Variants in CYP1A1 observed in about 807,000 individuals in gnomAD.
CYP1A1 encodes cytochrome P450 family 1 subfamily A member 1, also known as cytochrome P450 1A1.
Under a neutral mutation model 33.6 loss-of-function variants are expected in CYP1A1, and 43 were observed. That is an observed-to-expected ratio of 1.28 (90% CI 1.00 to 1.65). The LOEUF (loss-of-function observed/expected upper bound fraction) is 1.65. CYP1A1 is among the 40% of genes most tolerant of loss of function. The pLI is 0.00. For missense variants in CYP1A1, 637 were observed against 653.7 expected, an observed-to-expected ratio of 0.97 and a Z score of 0.28; for synonymous variants, 280 against 257.8, an observed-to-expected ratio of 1.09 and a Z score of -0.83.
intron 1 of CYP1A1, among the ~76,000 whole-genome samples, chr15:74,723,524 T>C (rs2063190686): frequency 6.6e-6 from 1 of 152,160 alleles, no homozygotes. Context: ...GTACCAGTAC[T>C]GTTATTTACT....
In CYP1A1 at chr15:74,720,086, T is replaced by A. The variant is rs1205305906; in HGVS notation, c.*403A>T. ...CCCAATTGTCAAAGATTGGACAGGG[T>A]CCTGGTTTGGCTAGTTCTAACTTGC... On this transcript the variant is annotated 3_prime_UTR_variant, in exon 7 of 7. Transcript: ENST00000379727. 1 of 164,364 alleles carries A rather than the reference T, an allele frequency of 6.1e-6. No homozygotes were observed. The highest frequency in any genetic ancestry group is 1.3e-5 in the Non-Finnish European group (1 of 76,936). The allele number at this position is 164,364 out of a possible 1,614,324, so 10.2% of individuals were successfully genotyped here. A position where few individuals can be genotyped will look rare whatever the true frequency, so the allele number is the denominator to read the frequency against.
chr15:74,721,306 C>T lies in CYP1A1; in HGVS notation c.1059G>A (p.Arg353=). ...IQEELDTVIG[R]SRRPRLSDRS... is the part of the protein sequence containing the mutation. ...TGTCAGAGAGCCGGGGCCGCCGTGA[C>T]CTGCCAATCACTGTGTCTGCAGAAC... The change falls in exon 5 of 7, where the codon AGG becomes AGA. Residue 353 remains arginine (R), a synonymous_variant. Coordinates refer to ENST00000379727, the MANE Select transcript of CYP1A1 (RefSeq NM_001319217.2). 3 of 1,613,702 alleles carry T rather than the reference C, an allele frequency of 1.9e-6. No homozygotes were observed. Among genetic ancestry groups the T allele is most frequent in the South Asian group, 1.1e-5 (1 of 91,026 alleles).
chr15:74,720,315 G>A lies in CYP1A1; in HGVS notation c.*174C>T, dbSNP rs2063156987. ...TGGAGGGTGTGCAGAGGCAAGTCCAGGGTAGGGGCAGGCAGGATCCCTTAG... is the reference window on the plus strand; with the variant it reads ...TGGAGGGTGTGCAGAGGCAAGTCCAAGGTAGGGGCAGGCAGGATCCCTTAG... On this transcript the variant is annotated 3_prime_UTR_variant, in exon 7 of 7. Transcript: ENST00000379727. 1 of 614,114 alleles carries A rather than the reference G, an allele frequency of 1.6e-6. No individual in the cohort carries two copies. Among genetic ancestry groups the A allele is most frequent in the Non-Finnish European group, 2.6e-6 (1 of 380,698 alleles). The allele number at this position is 614,114 out of a possible 1,614,324, so 38.0% of individuals were successfully genotyped here.
Position 74,720,752 on chromosome 15 carries a change from C to CA in CYP1A1, c.1275dup (p.Glu426Ter), listed in dbSNP as rs72547510. On this transcript the variant is annotated frameshift_variant, in exon 7 of 7. Transcript: ENST00000379727. LOFTEE classifies it low-confidence loss of function (END_TRUNC). ...GTGAGAAACCGTTCAGGTAGGAACT[C>CA]AGATGGGTTGACCCATAGCTTCCTG... 40 of 1,612,558 alleles carry CA rather than the reference C, an allele frequency of 2.5e-5. No homozygotes were observed. In the East Asian group the frequency reaches 8.7e-4, roughly 35 times the overall value.
At chr15:74,723,641 A>G (rs1009223738) in intron 1 of CYP1A1, among the ~76,000 whole-genome samples, 5 of 152,172 alleles carry the variant, frequency 3.3e-5, no homozygotes, top group African/African-American at 9.7e-5. Flanking sequence ...AAATAAACAC[A>G]TAATCAAGGT....
At position 74,721,635 on chromosome 15, in the gene CYP1A1, G is replaced by A. The variant is rs1185021586; in HGVS notation, c.908C>T (p.Ser303Leu). Residue 303 changes from serine to leucine, a missense_variant, in exon 3 of 7, where the codon TCA (serine) becomes TTA (leucine). Transcript: ENST00000379727. ...QLDENANVQL[S>L]DEKIINIVLD... ...GACGATGTTAATGATCTTCTCATCT[G>A]ACAGCTGGACATTGGCGTTCTCATC... is the stretch of plus-strand genomic sequence containing the variant. 1 of 1,614,154 alleles carries A rather than the reference G, an allele frequency of 6.2e-7. No homozygotes were observed. The highest frequency in any genetic ancestry group is 1.3e-5 in the African/African-American group (1 of 75,034).
intron 6 of CYP1A1, 80 bp from the exon 7 acceptor site, chr15:74,720,854 T>C (rs1741643523): frequency 1.9e-6 from 3 of 1,570,142 alleles, no homozygotes; most frequent in African/African-American, 1.3e-5. Flanking sequence ...CCCCAAAGGA[T>C]AGAGGACAGG....
rs772963090 is a variant in CYP1A1 at position 74,722,261 on chromosome 15, C to T, written c.825+12G>A. 3 of 1,600,540 alleles carry T rather than the reference C, an allele frequency of 1.9e-6. No individual in the cohort carries two copies. Among genetic ancestry groups the T allele is most frequent in the Non-Finnish European group, 1.7e-6 (2 of 1,169,294 alleles). ...GCTTCCCACCACCCACCTGCCTTTCCCCAGACTGTACCTTCTCAAAGGTTT... is the reference window on the plus strand; with the variant it reads ...GCTTCCCACCACCCACCTGCCTTTCTCCAGACTGTACCTTCTCAAAGGTTT... On this transcript the variant is annotated intron_variant, in intron 2 of 6. Transcript: ENST00000379727.
At chr15:74,722,194 C>T in intron 2 of CYP1A1, 79 bp downstream of exon 2, 1 of 1,193,180 alleles carries the variant, frequency 8.4e-7, no homozygotes, top group Non-Finnish European at 1.2e-6. Flanking sequence ...AAGCCCCATG[C>T]AGTTCCTCTT....
rs1265416243 is a variant in CYP1A1 at position 74,720,410 on chromosome 15, A to G, written c.*79T>C. On this transcript the variant is annotated 3_prime_UTR_variant, in exon 7 of 7. Coordinates refer to ENST00000379727, the MANE Select transcript of CYP1A1 (RefSeq NM_001319217.2). Reference sequence around the variant, plus strand: ...CTATGAGTTTCAGGCTGAACCTTAGACCACATAGGCCAGCCTGCTGGTCTG... The same window carrying G: ...CTATGAGTTTCAGGCTGAACCTTAGGCCACATAGGCCAGCCTGCTGGTCTG... 1 of 1,460,994 alleles carries G rather than the reference A, an allele frequency of 6.8e-7. No individual in the cohort carries two copies. Among genetic ancestry groups the G allele is most frequent in the Non-Finnish European group, 9.2e-7 (1 of 1,088,662 alleles). The allele number at this position is 1,460,994 out of a possible 1,614,324, so 90.5% of individuals were successfully genotyped here. A position where few individuals can be genotyped will look rare whatever the true frequency, so the allele number is the denominator to read the frequency against.
In CYP1A1 at chr15:74,720,327, G is replaced by T; in HGVS notation, c.*162C>A. The T allele has an allele frequency of 1.4e-6, 1 of 707,860 alleles. No individual in the cohort carries two copies. The highest frequency in any genetic ancestry group is 2.2e-6 in the Non-Finnish European group (1 of 456,660). The allele number at this position is 707,860 out of a possible 1,614,324, so 43.8% of individuals were successfully genotyped here. ...AGAGGCAAGTCCAGGGTAGGGGCAG[G>T]CAGGATCCCTTAGGCTTGCCCACAG... On this transcript the variant is annotated 3_prime_UTR_variant, in exon 7 of 7. Coordinates refer to ENST00000379727, the MANE Select transcript of CYP1A1 (RefSeq NM_001319217.2).
In CYP1A1 at chr15:74,720,307, C is replaced by G. The variant is rs145262175; in HGVS notation, c.*182G>C. 2.0e-3 allele frequency: 1,083 copies of G among 553,318 alleles called. 4 individuals are homozygous for G. Among genetic ancestry groups the G allele is most frequent in the Middle Eastern group, 3.9e-3 (8 of 2,042 alleles). The allele number at this position is 553,318 out of a possible 1,614,324, so 34.3% of individuals were successfully genotyped here. On this transcript the variant is annotated 3_prime_UTR_variant, in exon 7 of 7. Coordinates refer to ENST00000379727, the MANE Select transcript of CYP1A1 (RefSeq NM_001319217.2). ...GTTGTCTCTGGAGGGTGTGCAGAGGCAAGTCCAGGGTAGGGGCAGGCAGGA... is the reference window on the plus strand; with the variant it reads ...GTTGTCTCTGGAGGGTGTGCAGAGGGAAGTCCAGGGTAGGGGCAGGCAGGA...
Position 74,722,388 on chromosome 15 carries a change from A to T in CYP1A1, c.710T>A (p.Ile237Asn), listed in dbSNP as rs1275539251. Residue 237 changes from isoleucine to asparagine, a missense_variant, in exon 2 of 7, where the codon ATC (isoleucine) becomes AAC (asparagine). Coordinates refer to ENST00000379727, the MANE Select transcript of CYP1A1 (RefSeq NM_001319217.2). Reference protein sequence around the residue: ...VVGSGNPADFIPILRYLPNPS... With the variant: ...VVGSGNPADFNPILRYLPNPS... ...GTTGGGTAGGTAGCGAAGAATAGGG[A>T]TGAAGTCAGCTGGGTTTCCAGAGCC... 3.1e-6 allele frequency: 5 copies of T among 1,613,956 alleles called. No homozygotes were observed. The Admixed American group carries it at 6.7e-5, about 22-fold the overall frequency.
At position 74,719,781 on chromosome 15, in the gene CYP1A1, C is replaced by G. The variant is rs17861086; in HGVS notation, c.*708G>C. ...TAGAAGGTAATTGAAATACCCCCCC[C>G]TCACTCCAGCCCTAGTCCTGGTGCC... On this transcript the variant is annotated 3_prime_UTR_variant, in exon 7 of 7. Coordinates refer to ENST00000379727, the MANE Select transcript of CYP1A1 (RefSeq NM_001319217.2). 1 of 152,132 alleles carries G rather than the reference C, an allele frequency of 6.6e-6. No homozygotes were observed. Among genetic ancestry groups the G allele is most frequent in the Admixed American group, 6.5e-5 (1 of 15,278 alleles). The allele number at this position is 152,132 out of a possible 1,614,324, so 9.4% of individuals were successfully genotyped here.
chr15:74,721,014 G>C lies in CYP1A1; in HGVS notation c.1206C>G (p.Pro402=). The C allele has an allele frequency of 2.5e-6, 4 of 1,614,186 alleles. No homozygotes were observed. Among genetic ancestry groups the C allele is most frequent in the Non-Finnish European group, 2.5e-6 (3 of 1,180,030 alleles). The change falls in exon 6 of 7, where the codon CCC becomes CCG. Residue 402 remains proline, a synonymous_variant. Coordinates refer to ENST00000379727, the MANE Select transcript of CYP1A1 (RefSeq NM_001319217.2). Reference sequence around the variant, plus strand: ...GGTTTACAAAGACACAACGCCCCTTGGGGATGTAAAAGCCTTTCAAACTTG... The same window carrying C: ...GGTTTACAAAGACACAACGCCCCTTCGGGATGTAAAAGCCTTTCAAACTTG... ...RDTSLKGFYI[P]KGRCVFVNQW...
At chr15:74,723,594 G>C (rs1035523010) in intron 1 of CYP1A1, among the ~76,000 whole-genome samples, 1 of 152,048 alleles carries the variant, frequency 6.6e-6, no homozygotes, top group African/African-American at 2.4e-5. Context: ...CAATATCTAT[G>C]TGAAAGTACA....
Position 74,720,697 on chromosome 15 carries a change from C to T in CYP1A1, c.1331G>A (p.Ser444Asn). The change falls in exon 7 of 7, where the codon AGT (serine) becomes AAT (asparagine). Residue 444 changes from serine (S) to asparagine (N), a missense_variant. Physicochemically the swap from Ser to Asn is conservative, Grantham distance 46. Transcript: ENST00000379727. The part of the protein sequence containing the change: ...TPDGAIDKVL[S>N]EKVIIFGMGK... The stretch of plus-strand genomic sequence containing the variant: ...CATGCCAAAGATAATCACCTTCTCA[C>T]TTAACACCTTGTCGATAGCACCATC... 1 of 1,614,200 alleles carries T rather than the reference C, an allele frequency of 6.2e-7. No homozygotes were observed. The highest frequency in any genetic ancestry group is 8.5e-7 in the Non-Finnish European group (1 of 1,180,036).
intron 1 of CYP1A1, 57 bp downstream of exon 1, chr15:74,725,383 CA>C: frequency 6.6e-6 from 1 of 152,340 alleles, no homozygotes; most frequent in Non-Finnish European, 1.5e-5. Context: ...CTGGAGGCAC[CA>C]AAATGTTCCT....
chr15:74,721,837 G>C (rs2063172984), intron 2 of CYP1A1, 120 bp from the exon 3 acceptor site: 2 of 1,324,256 alleles, frequency 1.5e-6, no homozygotes, highest in African/African-American at 1.5e-5. Flanking sequence ...CCCTGAGGCT[G>C]TTGTCCCAGC....
Sources: gnomAD v4.1 joint callset for allele counts (sites outside exome capture counted in the v4.1 genomes callset) on GRCh38, gnomAD v4.1.1 for gene constraint, MANE v1.5 for transcripts, NCBI Gene and HGNC (gene_info 2026-07-23, HGNC 2026-07-21) for gene names.